The following ZNF141 variants were observed in gnomAD, a reference collection of about 807,000 sequenced individuals.
The protein encoded by ZNF141 is zinc finger protein 141 (clone pHZ-44).
A neutral mutation model predicts 11.3 loss-of-function variants in ZNF141; 7 were observed. The ratio of observed to expected loss-of-function variants is 0.62; its 90% CI spans 0.35 to 1.16. The LOEUF (loss-of-function observed/expected upper bound fraction) is 1.16, where lower values mean the gene tolerates loss of function less well. Ranked by LOEUF, ZNF141 falls within the 50% of genes most tolerant of loss-of-function variation. The pLI, the probability that ZNF141 is intolerant of heterozygous loss-of-function variation, is 0.02. For missense variants in ZNF141, 535 were observed against 554.0 expected (o/e 0.97, Z 0.34); for synonymous variants, 183 against 190.7 (o/e 0.96, Z 0.33).
chr4:342,923 C>T, intron 1 of ZNF141: 1 of 1,569,076 alleles, frequency 6.4e-7, no homozygotes. Context: ...TCCTTAGTGT[C>T]AGGATCTACT....
intron 3 of ZNF141, among the ~76,000 whole-genome samples, chr4:366,460 C>T (rs546063835): frequency 5.3e-5 from 8 of 152,026 alleles, no homozygotes; most frequent in South Asian, 4.2e-4. Flanking sequence ...AGGCGTGTGC[C>T]GCCCCACTAA....
Position 374,466 on chromosome 4 carries a change from G to T in ZNF141, c.*604G>T, listed in dbSNP as rs889962828. 3.4e-5 allele frequency: 11 copies of T among 327,122 alleles called. No homozygotes were observed. Among genetic ancestry groups the T allele is most frequent in the African/African-American group, 2.4e-4 (11 of 46,562 alleles). 20.3% of individuals were successfully genotyped at this position (327,122 alleles called of 1,614,324 possible). A position where few individuals can be genotyped will look rare whatever the true frequency, so the allele number is the denominator to read the frequency against. On this transcript the variant is annotated 3_prime_UTR_variant, in exon 4 of 4. Transcript: ENST00000240499. ...CAGAGAGAAACCCTACACATGTAAA[G>T]AATGTGGCAAAGCCTTCAATAGGTT...
chr4:378,925 A>G lies in ZNF141; in HGVS notation c.*5063A>G, dbSNP rs2108660660. 7.4e-6 allele frequency among the ~76,000 whole-genome samples: 1 copy of G among 135,506 alleles called. No individual in the cohort carries two copies. The highest frequency in any genetic ancestry group is 2.9e-5 in the African/African-American group (1 of 34,096). 88.9% of individuals were successfully genotyped at this position (135,506 alleles called of 152,430 possible). ...AGTGGCACAATCTCAGCTCATTGCA[A>G]CCTCCACCTCTCGGGTTCAAGCAAT... On this transcript the variant is annotated 3_prime_UTR_variant, in exon 4 of 4. Coordinates refer to ENST00000240499, the MANE Select transcript of ZNF141 (RefSeq NM_003441.4).
In ZNF141 at chr4:381,240, T is replaced by C. The variant is rs1712601163; in HGVS notation, c.*7378T>C. Among the ~76,000 whole-genome samples the C allele has an allele frequency of 6.6e-6, 1 of 152,096 alleles. No homozygotes were observed. The highest frequency in any genetic ancestry group is 2.1e-4 in the South Asian group (1 of 4,832). ...TCAGTTTTGCCTAAATGCTACCAAT[T>C]ATCTTACACTGGCTCCCCAAATAGG... On this transcript the variant is annotated 3_prime_UTR_variant, in exon 4 of 4. Transcript: ENST00000240499.
intron 3 of ZNF141, among the ~76,000 whole-genome samples, chr4:345,859 T>C (rs1721298124): frequency 6.6e-6 from 1 of 152,184 alleles, no homozygotes; most frequent in Admixed American, 6.5e-5. Context: ...TCACCTTCTA[T>C]ATTTCTTAAA....
At chr4:343,002 T>C in intron 1 of ZNF141, 1 of 880,556 alleles carries the variant, frequency 1.1e-6, no homozygotes, top group Non-Finnish European at 1.6e-6. Flanking sequence ...GTTAAAAAAG[T>C]ATTAAAAAAG....
At chr4:342,472 A>G (rs1467254554) in intron 1 of ZNF141, among the ~76,000 whole-genome samples, 1 of 152,206 alleles carries the variant, frequency 6.6e-6, no homozygotes, top group Non-Finnish European at 1.5e-5. Flanking sequence ...ACTGAGTGGT[A>G]CTATAATGGG....
In ZNF141 at chr4:384,459, A is replaced by G. The variant is rs1712821511; in HGVS notation, c.*10597A>G. On this transcript the variant is annotated 3_prime_UTR_variant, in exon 4 of 4. Coordinates refer to ENST00000240499, the MANE Select transcript of ZNF141 (RefSeq NM_003441.4). ...GCTAGCAGGAAGAAATGTGGTTAAG[A>G]ACTTCCTCTTATGCCAGGGTGTTGA... The G allele has an allele frequency of 6.6e-6, 1 of 152,218 alleles. No homozygotes were observed. The highest frequency in any genetic ancestry group is 1.5e-5 in the Non-Finnish European group (1 of 68,052). 9.4% of individuals were successfully genotyped at this position (152,218 alleles called of 1,614,324 possible). A position where few individuals can be genotyped will look rare whatever the true frequency, so the allele number is the denominator to read the frequency against.
chr4:359,490 C>T (rs1257641941), intron 3 of ZNF141, among the ~76,000 whole-genome samples: 2 of 152,100 alleles, frequency 1.3e-5, no homozygotes, highest in Non-Finnish European at 2.9e-5. Flanking sequence ...CATAGGGCTG[C>T]TTCAGGATAC....
rs10017377 is a variant in ZNF141, at chr4:380,380, G to A, written c.*6518G>A. On this transcript the variant is annotated 3_prime_UTR_variant, in exon 4 of 4. Coordinates refer to ENST00000240499, the MANE Select transcript of ZNF141 (RefSeq NM_003441.4). ...TAATAAATTTTATTTTCGGCCAGGC[G>A]TGGTGGCTCACACCTGTAATCCCAG... Among the ~76,000 whole-genome samples the A allele has an allele frequency of 0.011, 1,680 of 152,192 alleles. 26 individuals carry two copies. Among genetic ancestry groups the A allele is most frequent in the African/African-American group, 0.038 (1,593 of 41,524 alleles).
intron 3 of ZNF141, among the ~76,000 whole-genome samples, chr4:355,110 T>C (rs1002059576): frequency 6.6e-5 from 10 of 152,222 alleles, no homozygotes; most frequent in African/African-American, 1.9e-4. Flanking sequence ...TTAATCGTTA[T>C]ATTCTTTTGA....
rs556232390 is a variant in ZNF141 at position 372,421 on chromosome 4, A to G, written c.227-243A>G. 1.6e-3 allele frequency among the ~76,000 whole-genome samples: 245 copies of G among 152,300 alleles called. 1 individual carries two copies. Among genetic ancestry groups the G allele is most frequent in the South Asian group, 2.7e-3 (13 of 4,824 alleles). On this transcript the variant is annotated intron_variant, in intron 3 of 3. Transcript: ENST00000240499. ...TGTAACAAACATTCCTTCCTGTTCT[A>G]TGTGGCTCTTGGCATTTTGCTTACC...
At chr4:347,592 G>A (rs1350769390) in intron 3 of ZNF141, among the ~76,000 whole-genome samples, 1 of 151,832 alleles carries the variant, frequency 6.6e-6, no homozygotes, top group Admixed American at 6.6e-5. Context: ...GCCTGCCTCG[G>A]CCTCCCAAAG....
chr4:371,190 A>C (rs1490328455), intron 3 of ZNF141, among the ~76,000 whole-genome samples: 2 of 150,068 alleles, frequency 1.3e-5, no homozygotes, highest in Non-Finnish European at 3.0e-5. Flanking sequence ...ATTCAGGTCA[A>C]ATTTTAAAAC....
At position 372,907 on chromosome 4, in the gene ZNF141, T is replaced by A; in HGVS notation, c.470T>A (p.Phe157Tyr). ...CKASVKVVSKFSNSNKRKTRH... is the reference protein window; with the variant it reads ...CKASVKVVSKYSNSNKRKTRH... The stretch of plus-strand genomic sequence containing the variant: ...GCAAGTGTCAAAGTTGTTAGTAAAT[T>A]TTCAAATTCAAACAAACGTAAGACA... The change falls in exon 4 of 4, where the codon TTT (phenylalanine) becomes TAT (tyrosine). Residue 157 changes from phenylalanine to tyrosine, a missense_variant. Physicochemically the swap from Phe to Tyr is conservative, Grantham distance 22. Transcript: ENST00000240499. 5 of 1,613,678 alleles carry A rather than the reference T, an allele frequency of 3.1e-6. No individual in the cohort carries two copies. The highest frequency in any genetic ancestry group is 4.2e-6 in the Non-Finnish European group (5 of 1,179,734).
At chr4:369,764 A>ATATATATATTTTTTTTT in intron 3 of ZNF141, among the ~76,000 whole-genome samples, 3 of 48,724 alleles carry the variant, frequency 6.2e-5, no homozygotes, top group African/African-American at 3.4e-4. Context: ...ATATATATAT[A>ATATATATATTTTTTTTT]TTTTTTTTTT....
intron 3 of ZNF141, among the ~76,000 whole-genome samples, chr4:371,118 T>TTATATATA (rs149751505): frequency 3.0e-4 from 44 of 147,140 alleles, no homozygotes; most frequent in African/African-American, 1.1e-3. Context: ...ATGTTTTCAT[T>TTATATATA]TATATATATA....
chr4:378,879 C>G lies in ZNF141; in HGVS notation c.*5017C>G, dbSNP rs1032535875. Among the ~76,000 whole-genome samples the G allele has an allele frequency of 2.7e-5, 3 of 111,070 alleles. No homozygotes were observed. The highest frequency in any genetic ancestry group is 3.2e-4 in the South Asian group (1 of 3,174). 72.9% of individuals were successfully genotyped at this position (111,070 alleles called of 152,430 possible). A position where few individuals can be genotyped will look rare whatever the true frequency, so the allele number is the denominator to read the frequency against. ...TTTTTTTTTGAGATGGAGTCTTGCT[C>G]TGTCACCCAGGCTGGAGTGCAGTGG... is the stretch of plus-strand genomic sequence containing the variant. On this transcript the variant is annotated 3_prime_UTR_variant, in exon 4 of 4. Transcript: ENST00000240499.
At position 373,964 on chromosome 4, in the gene ZNF141, G is replaced by A; in HGVS notation, c.*102G>A. The A allele has an allele frequency of 9.3e-7, 1 of 1,070,282 alleles. No individual in the cohort carries two copies. Among genetic ancestry groups the A allele is most frequent in the Non-Finnish European group, 1.4e-6 (1 of 729,032 alleles). 66.3% of individuals were successfully genotyped at this position (1,070,282 alleles called of 1,614,324 possible). A position where few individuals can be genotyped will look rare whatever the true frequency, so the allele number is the denominator to read the frequency against. On this transcript the variant is annotated 3_prime_UTR_variant, in exon 4 of 4. Transcript: ENST00000240499. ...TACTGTAGAGAAACCCTGGAAATGT[G>A]AAGAACGTGGCAAAGTTCTTTACCT...
Sources: allele counts gnomAD v4.1 joint callset (sites outside exome capture counted in the v4.1 genomes callset), GRCh38; gene constraint gnomAD v4.1.1; transcripts MANE v1.5; gene names NCBI Gene and HGNC (gene_info 2026-07-23, HGNC 2026-07-21).